SHISA7: variants seen among roughly 807,000 people sequenced by gnomAD.
SHISA7 encodes protein shisa-7.
A neutral mutation model predicts 23.9 loss-of-function variants in SHISA7; 6 were observed. The observed-to-expected ratio is 0.25, with a 90% CI of 0.14 to 0.50. The LOEUF (loss-of-function observed/expected upper bound fraction) is 0.50, where lower values mean the gene tolerates loss of function less well. Ranked by LOEUF, SHISA7 falls within the 20% of genes least tolerant of loss-of-function variation. The pLI is 0.98. For synonymous variants in SHISA7, 386 were observed against 398.3 expected, an observed-to-expected ratio of 0.97 and a Z score of 0.37; for missense variants, 671 against 801.1, an observed-to-expected ratio of 0.84 and a Z score of 1.96.
Position 55,433,140 on chromosome 19 carries a change from A to G in SHISA7, c.*16T>C. On this transcript the variant is annotated 3_prime_UTR_variant, in exon 4 of 4. Transcript: ENST00000376325. This position sits in a 1 kb window ranked among gnomAD's most constrained non-coding sequence, Gnocchi z 8.4. The stretch of plus-strand genomic sequence containing the variant: ...GGGGCCCGGGAGGCCGCAGCCCCCC[A>G]GACCCGGCCCTGGCCTCAGACAGTC... 6.6e-7 allele frequency: 1 copy of G among 1,514,086 alleles called. No homozygotes were observed. The highest frequency in any genetic ancestry group is 8.8e-7 in the Non-Finnish European group (1 of 1,136,398). The allele number at this position is 1,514,086 out of a possible 1,614,324, so 93.8% of individuals were successfully genotyped here. A position where few individuals can be genotyped will look rare whatever the true frequency, so the allele number is the denominator to read the frequency against.
Position 55,430,400 on chromosome 19 carries a change from A to T in SHISA7, c.*2756T>A, listed in dbSNP as rs1363552968. On this transcript the variant is annotated 3_prime_UTR_variant, in exon 4 of 4. Coordinates refer to ENST00000376325, the MANE Select transcript of SHISA7 (RefSeq NM_001145176.2). ...CGGCCCCAGAGGACAACTGAAATAC[A>T]GCCCGTCACGGTACTTGGCTCCTAA... 2 of 152,240 alleles carry T rather than the reference A, an allele frequency of 1.3e-5. No homozygotes were observed. Among genetic ancestry groups the T allele is most frequent in the Non-Finnish European group, 2.9e-5 (2 of 68,078 alleles). The allele number at this position is 152,240 out of a possible 1,614,324, so 9.4% of individuals were successfully genotyped here.
At position 55,442,107 on chromosome 19, in the gene SHISA7, T is replaced by G. The variant is rs1487598200; in HGVS notation, c.671+86A>C. 1.3e-5 allele frequency: 17 copies of G among 1,335,468 alleles called. No homozygotes were observed. In the East Asian group the frequency reaches 5.0e-4, roughly 39 times the overall value. The allele number at this position is 1,335,468 out of a possible 1,614,324, so 82.7% of individuals were successfully genotyped here. On this transcript the variant is annotated intron_variant, in intron 1 of 3. Transcript: ENST00000376325. ...GTCTCTGACCACCACGCCCTATCCC[T>G]GCAGCCCCTCCTCCTCGGATGGCTC...
In SHISA7 at chr19:55,433,861, C is replaced by T; in HGVS notation, c.977-65G>A. 7.5e-7 allele frequency: 1 copy of T among 1,341,428 alleles called. No individual in the cohort carries two copies. The highest frequency in any genetic ancestry group is 9.5e-7 in the Non-Finnish European group (1 of 1,049,662). 83.1% of individuals were successfully genotyped at this position (1,341,428 alleles called of 1,614,324 possible). A position where few individuals can be genotyped will look rare whatever the true frequency, so the allele number is the denominator to read the frequency against. On this transcript the variant is annotated intron_variant, in intron 3 of 3. Coordinates refer to ENST00000376325, the MANE Select transcript of SHISA7 (RefSeq NM_001145176.2). The surrounding 1 kb of genome is among the most constrained non-coding windows in gnomAD (Gnocchi z 8.4). ...TGCGCATCTAGAGCCCTCCCCCTCC[C>T]ACCTCGTCACATCCCGCTCCTATGC...
rs1029547379 is a variant in SHISA7, at chr19:55,432,808, G to T, written c.*348C>A. On this transcript the variant is annotated 3_prime_UTR_variant, in exon 4 of 4. Coordinates refer to ENST00000376325, the MANE Select transcript of SHISA7 (RefSeq NM_001145176.2). This position sits in a 1 kb window ranked among gnomAD's most constrained non-coding sequence, Gnocchi z 4.6. ...GAGGACACCATAGAACATGGACATG[G>T]CCTCCAGCGCTGACCTCACGGGCCG... 34 of 231,660 alleles carry T rather than the reference G, an allele frequency of 1.5e-4. No individual in the cohort carries two copies. Among genetic ancestry groups the T allele is most frequent in the African/African-American group, 7.2e-4 (31 of 43,278 alleles). 14.4% of individuals were successfully genotyped at this position (231,660 alleles called of 1,614,324 possible).
At chr19:55,435,204 G>GT (rs1985413235) in intron 3 of SHISA7, among the ~76,000 whole-genome samples, 1 of 131,640 alleles carries the variant, frequency 7.6e-6, no homozygotes, top group African/African-American at 2.9e-5. Flanking sequence ...ATGTGTGTGT[G>GT]GTGTGTGTAT....
At chr19:55,438,510 G>C (rs1258462227) in intron 2 of SHISA7, 1 of 1,294,626 alleles carries the variant, frequency 7.7e-7, no homozygotes, top group Non-Finnish European at 1.0e-6. Flanking sequence ...CAACACAAAG[G>C]GGGAAGGGAA....
rs1196962488 is a variant in SHISA7, at chr19:55,433,552, C to G, written c.1221G>C (p.Leu407=). 18 of 1,494,132 alleles carry G rather than the reference C, an allele frequency of 1.2e-5. No individual in the cohort carries two copies. Among genetic ancestry groups the G allele is most frequent in the Non-Finnish European group, 1.5e-5 (17 of 1,128,334 alleles). 92.6% of individuals were successfully genotyped at this position (1,494,132 alleles called of 1,614,324 possible). The change falls in exon 4 of 4, where the codon CTG becomes CTC. Residue 407 remains leucine, a synonymous_variant. Coordinates refer to ENST00000376325, the MANE Select transcript of SHISA7 (RefSeq NM_001145176.2). The surrounding 1 kb of genome is among the most constrained non-coding windows in gnomAD (Gnocchi z 8.4). The part of the protein sequence containing the change: ...RYEFTLPRAR[L]VSQEHLLLSS... ...ACAGCAGCAGGTGCTCCTGCGACAC[C>G]AGGCGCGCGCGCGGCAGCGTGAACT...
intron 1 of SHISA7, among the ~76,000 whole-genome samples, chr19:55,441,008 C>T (rs1034876796): frequency 5.9e-5 from 9 of 152,216 alleles, no homozygotes; most frequent in South Asian, 2.1e-4. Flanking sequence ...CTTCTGTGGT[C>T]CCTCTCACTT....
intron 3 of SHISA7, among the ~76,000 whole-genome samples, chr19:55,435,366 T>TGTATGTGTG (rs1180617453): frequency 1.0e-5 from 1 of 98,514 alleles, no homozygotes; most frequent in Non-Finnish European, 1.9e-5. Flanking sequence ...GTGTGTGTGG[T>TGTATGTGTG]GTGTGTGTGG....
Position 55,433,801 on chromosome 19 carries a change from G to T in SHISA7, c.977-5C>A. The T allele has an allele frequency of 7.2e-7, 1 of 1,391,008 alleles. No individual in the cohort carries two copies. The highest frequency in any genetic ancestry group is 1.6e-5 in the South Asian group (1 of 63,364). 86.2% of individuals were successfully genotyped at this position (1,391,008 alleles called of 1,614,324 possible). A position where few individuals can be genotyped will look rare whatever the true frequency, so the allele number is the denominator to read the frequency against. ...CCTCGTCCAGATCCTTCTCGGCTGC[G>T]GGGAGAGGGGGAAAAGCCACAGCCG... On this transcript the variant is annotated splice_polypyrimidine_tract_variant and splice_region_variant and intron_variant, in intron 3 of 3. Coordinates refer to ENST00000376325, the MANE Select transcript of SHISA7 (RefSeq NM_001145176.2). This position sits in a 1 kb window ranked among gnomAD's most constrained non-coding sequence, Gnocchi z 8.4.
At position 55,433,809 on chromosome 19, in the gene SHISA7, G is replaced by A. The variant is rs1255523460; in HGVS notation, c.977-13C>T. 1 of 1,386,926 alleles carries A rather than the reference G, an allele frequency of 7.2e-7. No individual in the cohort carries two copies. Among genetic ancestry groups the A allele is most frequent in the Non-Finnish European group, 9.3e-7 (1 of 1,079,638 alleles). 85.9% of individuals were successfully genotyped at this position (1,386,926 alleles called of 1,614,324 possible). ...AGATCCTTCTCGGCTGCGGGGAGAG[G>A]GGGAAAAGCCACAGCCGTGGGTCCC... is the stretch of plus-strand genomic sequence containing the variant. On this transcript the variant is annotated splice_polypyrimidine_tract_variant and intron_variant, in intron 3 of 3. Transcript: ENST00000376325. This position sits in a 1 kb window ranked among gnomAD's most constrained non-coding sequence, Gnocchi z 8.4.
At chr19:55,439,689 C>G (rs557219146) in intron 2 of SHISA7, among the ~76,000 whole-genome samples, 1 of 152,336 alleles carries the variant, frequency 6.6e-6, no homozygotes, top group Admixed American at 6.5e-5. Context: ...TCAAATACCT[C>G]TCCCTCGGAG....
At chr19:55,438,254 C>T (rs190833437) in intron 2 of SHISA7, among the ~76,000 whole-genome samples, 74 of 152,362 alleles carry the variant, frequency 4.9e-4, no homozygotes, top group Middle Eastern at 6.8e-3. Flanking sequence ...CCCAGCCCCT[C>T]TGCTCAGGAG....
rs1402725705 is a variant in SHISA7, at chr19:55,431,587, C to T, written c.*1569G>A. ...GGTAATCCTGGGGAAGGATTCCATC[C>T]TCAGACATGGGTAACACTTGACCCC... On this transcript the variant is annotated 3_prime_UTR_variant, in exon 4 of 4. Transcript: ENST00000376325. 2.0e-5 allele frequency: 3 copies of T among 152,116 alleles called. No individual in the cohort carries two copies. The highest frequency in any genetic ancestry group is 7.3e-5 in the African/African-American group (3 of 41,366). The allele number at this position is 152,116 out of a possible 1,614,324, so 9.4% of individuals were successfully genotyped here. A position where few individuals can be genotyped will look rare whatever the true frequency, so the allele number is the denominator to read the frequency against.
Position 55,439,502 on chromosome 19 carries a change from C to T in SHISA7, c.826+1109G>A, listed in dbSNP as rs148976048. Among the ~76,000 whole-genome samples, 478 of 152,290 alleles carry T rather than the reference C, an allele frequency of 3.1e-3. 3 individuals carry two copies. The highest frequency in any genetic ancestry group is 0.011 in the African/African-American group (457 of 41,544). On this transcript the variant is annotated intron_variant, in intron 2 of 3. Transcript: ENST00000376325. ...TGTTGCTCCTCTGCTGGAACTCCTCCGCAGCTCTCCATCACCCTCAGGACG... is the reference window on the plus strand; with the variant it reads ...TGTTGCTCCTCTGCTGGAACTCCTCTGCAGCTCTCCATCACCCTCAGGACG...
rs1421130761 is a variant in SHISA7, at chr19:55,433,129, C to T, written c.*27G>A. On this transcript the variant is annotated 3_prime_UTR_variant, in exon 4 of 4. Transcript: ENST00000376325. The surrounding 1 kb of genome is among the most constrained non-coding windows in gnomAD (Gnocchi z 8.4). ...GGCTGGGACGGGGGGCCCGGGAGGC[C>T]GCAGCCCCCCAGACCCGGCCCTGGC... 6.0e-6 allele frequency: 9 copies of T among 1,504,728 alleles called. No individual in the cohort carries two copies. The highest frequency in any genetic ancestry group is 2.1e-5 in the Admixed American group (1 of 47,976). 93.2% of individuals were successfully genotyped at this position (1,504,728 alleles called of 1,614,324 possible). A position where few individuals can be genotyped will look rare whatever the true frequency, so the allele number is the denominator to read the frequency against.
chr19:55,434,829 GT>G (rs1985365535), intron 3 of SHISA7, among the ~76,000 whole-genome samples: 1 of 77,138 alleles, frequency 1.3e-5, no homozygotes. Flanking sequence ...GTATGTGTGT[GT>G]GGTGTGTGGT....
Position 55,437,601 on chromosome 19 carries a change from T to A in SHISA7, c.976+4A>T, listed in dbSNP as rs1985495419. ...ACCGCCGCGCTGCCCTTGCCAGGAC[T>A]CACCCAGCCTCTTGAGGGAAGAGTA... On this transcript the variant is annotated splice_donor_region_variant and intron_variant, in intron 3 of 3. Transcript: ENST00000376325. 1.3e-6 allele frequency: 2 copies of A among 1,550,254 alleles called. No individual in the cohort carries two copies. Among genetic ancestry groups the A allele is most frequent in the Non-Finnish European group, 1.7e-6 (2 of 1,146,240 alleles).
intron 3 of SHISA7, among the ~76,000 whole-genome samples, chr19:55,435,255 G>A (rs1374343946): frequency 7.8e-6 from 1 of 128,994 alleles, no homozygotes; most frequent in African/African-American, 3.0e-5. Flanking sequence ...CGTGTGTGTG[G>A]TGTGTATGTG....
Sources: gnomAD v4.1 joint callset for allele counts (sites outside exome capture counted in the v4.1 genomes callset) on GRCh38, gnomAD v4.1.1 for gene constraint, Gnocchi (gnomAD v3.1) non-coding constraint, MANE v1.5 for transcripts, NCBI Gene and HGNC (gene_info 2026-07-23, HGNC 2026-07-21) for gene names.